Variants in TNRC6B observed in about 807,000 individuals in gnomAD.
The protein encoded by TNRC6B is trinucleotide repeat-containing gene 6B protein.
TNRC6B carries 52 observed loss-of-function variants against 203.6 expected under a neutral mutation model. The ratio of observed to expected loss-of-function variants is 0.26; its 90% confidence interval spans 0.20 to 0.32. The LOEUF (loss-of-function observed/expected upper bound fraction) is 0.32, where lower values mean the gene tolerates loss of function less well. TNRC6B is among the 10% of genes least tolerant of loss of function. The pLI is 1.00. For missense variants in TNRC6B, 1,923 were observed against 2,286.2 expected (o/e 0.84, Z 3.24); for synonymous variants, 838 against 845.7 (o/e 0.99, Z 0.16).
At chr22:40,118,185 TA>T (rs2068408872) in intron 2 of TNRC6B, among the ~76,000 whole-genome samples, 1 of 152,158 alleles carries the variant, frequency 6.6e-6, no homozygotes, top group African/African-American at 2.4e-5. Flanking sequence ...CTTGTCTCTA[TA>T]GAGACAGCCA....
intron 4 of TNRC6B, among the ~76,000 whole-genome samples, chr22:40,158,435 A>T (rs946711008): frequency 2.6e-5 from 4 of 152,148 alleles, no homozygotes; most frequent in Admixed American, 6.5e-5. Flanking sequence ...GCCTATTTTT[A>T]AAAAAACAGG....
chr22:40,201,257 G>A (rs1393067300), intron 1 of TNRC6B, among the ~76,000 whole-genome samples: 1 of 152,104 alleles, frequency 6.6e-6, no homozygotes, highest in South Asian at 2.1e-4. Context: ...CTTTGTTAGA[G>A]TGCTGTGAAA....
At chr22:40,200,278 CTTTTTT>C (rs59067007) in intron 1 of TNRC6B, among the ~76,000 whole-genome samples, 9 of 75,512 alleles carry the variant, frequency 1.2e-4, no homozygotes, top group African/African-American at 3.7e-4. Flanking sequence ...AAGTAATATT[CTTTTTT>C]TTTTTTTTTT....
chr22:40,272,784 C>T (rs972544465), intron 6 of TNRC6B, among the ~76,000 whole-genome samples: 2 of 152,140 alleles, frequency 1.3e-5, no homozygotes, highest in Non-Finnish European at 2.9e-5. Flanking sequence ...TTTTCAAAAC[C>T]ACTACGTATA....
chr22:40,100,040 T>C (rs2068221602), intron 1 of TNRC6B, among the ~76,000 whole-genome samples: 1 of 151,546 alleles, frequency 6.6e-6, no homozygotes, highest in Non-Finnish European at 1.5e-5. Context: ...CGTGGGCCAC[T>C]GCGCCTGGCC....
intron 10 of TNRC6B, among the ~76,000 whole-genome samples, chr22:40,280,552 G>A (rs1258479900): frequency 6.6e-6 from 1 of 152,136 alleles, no homozygotes; most frequent in East Asian, 1.9e-4. Context: ...AGTTCCTAGC[G>A]ATCTGTGTTT....
At chr22:40,081,769 A>G (rs1476363717) in intron 1 of TNRC6B, among the ~76,000 whole-genome samples, 1 of 152,200 alleles carries the variant, frequency 6.6e-6, no homozygotes, top group East Asian at 1.9e-4. Context: ...CATACTTCCT[A>G]TTATTGTATC....
Position 40,150,565 on chromosome 22 carries a change from C to A in TNRC6B, c.46-5550C>A, listed in dbSNP as rs1011361612. Among the ~76,000 whole-genome samples, 11 of 152,298 alleles carry A rather than the reference C, an allele frequency of 7.2e-5. No homozygotes were observed. In the South Asian group the frequency reaches 2.1e-3, roughly 29 times the overall value. ...GCGATGAGAAGCAAGGCCCCAGATACGCTTTCCTCATATCCACAGACCACT... is the reference window on the plus strand; with the variant it reads ...GCGATGAGAAGCAAGGCCCCAGATAAGCTTTCCTCATATCCACAGACCACT... On this transcript the variant is annotated intron_variant, in intron 3 of 23. Coordinates refer to the TNRC6B transcript ENST00000301923.
intron 1 of TNRC6B, among the ~76,000 whole-genome samples, chr22:40,071,052 G>C (rs2067942575): frequency 6.6e-6 from 1 of 152,176 alleles, no homozygotes; most frequent in East Asian, 1.9e-4. Flanking sequence ...GTAAGGGACT[G>C]TAGACTATTT....
At chr22:40,208,004 C>T (rs533070222) in intron 1 of TNRC6B, among the ~76,000 whole-genome samples, 2 of 151,228 alleles carry the variant, frequency 1.3e-5, no homozygotes, top group African/African-American at 2.4e-5. Flanking sequence ...GTCCCAGCTA[C>T]TCGGGAGGCT....
In TNRC6B at chr22:40,195,803, T is replaced by A. The variant is rs563457667; in HGVS notation, c.5+17663T>A. On this transcript the variant is annotated intron_variant, in intron 1 of 22. Coordinates refer to ENST00000454349, the MANE Select transcript of TNRC6B (RefSeq NM_001162501.2). Reference sequence around the variant, plus strand: ...TTTGTTTTTTGAGACGGAGTCTCGCTCTGTCGCCCAGGCTGGAGTGCAGTG... The same window carrying A: ...TTTGTTTTTTGAGACGGAGTCTCGCACTGTCGCCCAGGCTGGAGTGCAGTG... Among the ~76,000 whole-genome samples the A allele has an allele frequency of 2.6e-5, 4 of 152,322 alleles. No homozygotes were observed. In the South Asian group the frequency reaches 8.3e-4, roughly 32 times the overall value.
chr22:40,197,689 G>A (rs1178320609), intron 1 of TNRC6B, among the ~76,000 whole-genome samples: 1 of 149,640 alleles, frequency 6.7e-6, no homozygotes, highest in Non-Finnish European at 1.5e-5. Context: ...GTGCAGCCTC[G>A]ACCTTCTGGG....
rs2070703096 is a variant in TNRC6B at position 40,280,031 on chromosome 22, G to A, written c.3299G>A (p.Arg1100Gln). Residue 1100 changes from arginine (R) to glutamine (Q), a missense_variant, in exon 10 of 23, where the codon CGA becomes CAA. Physicochemically the swap from Arg to Gln is conservative, Grantham distance 43. This residue lies in a region of TNRC6B where 599 missense variants were observed against 656.5 expected (regional missense o/e 0.91). Coordinates refer to ENST00000454349, the MANE Select transcript of TNRC6B (RefSeq NM_001162501.2). Reference protein sequence around the residue: ...LSDKKFDVDKRAMNLGDFNDI... With the variant: ...LSDKKFDVDKQAMNLGDFNDI... ...GATAAAAAATTTGATGTGGACAAGCGAGCGATGAATCTCGGGGATTTTAAT... is the reference window on the plus strand; with the variant it reads ...GATAAAAAATTTGATGTGGACAAGCAAGCGATGAATCTCGGGGATTTTAAT... 4.3e-6 allele frequency: 7 copies of A among 1,613,710 alleles called. No individual in the cohort carries two copies. Among genetic ancestry groups the A allele is most frequent in the East Asian group, 2.2e-5 (1 of 44,896 alleles).
rs557783336 is a variant in TNRC6B at position 40,293,623 on chromosome 22, A to AG, written c.3709-6826dup. ...TAGGAATGCCTGAGGGCGGGGGCGG[A>AG]GGGGGGTAGGGGAATGGTGGGGAAT... is the stretch of plus-strand genomic sequence containing the variant. On this transcript the variant is annotated intron_variant, in intron 12 of 22. Transcript: ENST00000454349. Among the ~76,000 whole-genome samples the AG allele has an allele frequency of 1.1e-3, 58 of 55,120 alleles. No homozygotes were observed. The South Asian group carries it at 0.015, about 15-fold the overall frequency. The allele number at this position is 55,120 out of a possible 152,430, so 36.2% of individuals were successfully genotyped here.
At chr22:40,283,753 T>A (rs1293179359) in intron 11 of TNRC6B, among the ~76,000 whole-genome samples, 2 of 152,192 alleles carry the variant, frequency 1.3e-5, no homozygotes, top group Non-Finnish European at 2.9e-5. Flanking sequence ...GGAAATTGTC[T>A]ACTGGGAAGA....
chr22:40,219,452 G>T (rs2069678603), intron 1 of TNRC6B, among the ~76,000 whole-genome samples: 1 of 152,122 alleles, frequency 6.6e-6, no homozygotes, highest in Non-Finnish European at 1.5e-5. Flanking sequence ...GAGGGTGGAA[G>T]TTCTTTGATT....
chr22:40,131,496 T>C (rs2068544758), intron 3 of TNRC6B, among the ~76,000 whole-genome samples: 1 of 152,094 alleles, frequency 6.6e-6, no homozygotes, highest in Non-Finnish European at 1.5e-5. Flanking sequence ...TCCTGAATTA[T>C]GCACAAGCAT....
At chr22:40,256,254 A>G (rs934444598) in intron 3 of TNRC6B, among the ~76,000 whole-genome samples, 1 of 152,216 alleles carries the variant, frequency 6.6e-6, no homozygotes, top group Non-Finnish European at 1.5e-5. Context: ...GGGAAAGATG[A>G]TAAGTGGTAG....
chr22:40,077,928 A>C (rs1427796186), intron 1 of TNRC6B, among the ~76,000 whole-genome samples: 1 of 152,242 alleles, frequency 6.6e-6, no homozygotes, highest in Non-Finnish European at 1.5e-5. Flanking sequence ...TTCACTACAT[A>C]GGTACTTAAT....
Sources: allele counts gnomAD v4.1 joint callset (sites outside exome capture counted in the v4.1 genomes callset), GRCh38; gene constraint gnomAD v4.1.1; regional missense constraint gnomAD v4.1.1; transcripts MANE v1.5; gene names NCBI Gene and HGNC (gene_info 2026-07-23, HGNC 2026-07-21).